TTC6: variants seen among roughly 807,000 people sequenced by gnomAD.
TTC6 encodes tetratricopeptide repeat protein 6.
In TTC6, 172 loss-of-function variants were observed where a neutral mutation model predicts 210.4. That is an observed-to-expected ratio of 0.82 (90% CI 0.72 to 0.93). The LOEUF (loss-of-function observed/expected upper bound fraction) is 0.93, where lower values mean the gene tolerates loss of function less well. Among genes scored for constraint, TTC6 ranks in the 40% least tolerant of loss-of-function variants. The pLI, the probability that TTC6 is intolerant of heterozygous loss-of-function variation, is 0.00. For synonymous variants in TTC6, 804 were observed against 819.6 expected (o/e 0.98, Z 0.32); for missense variants, 2,414 against 2,318.1 (o/e 1.04, Z -0.85).
Position 37,598,063 on chromosome 14 carries a change from GCTGCTGT to G in TTC6, c.-235+2059_-235+2065del, listed in dbSNP as rs1368325980. 6.6e-6 allele frequency among the ~76,000 whole-genome samples: 1 copy of G among 152,206 alleles called. No individual in the cohort carries two copies. Among genetic ancestry groups the G allele is most frequent in the Admixed American group, 6.5e-5 (1 of 15,278 alleles). ...TGCATACATACATACATAAAGTAATGCTGCTGTCTGGGAGTTGCTGGCCAGTCGGTAG... is the reference window on the plus strand; with the variant it reads ...TGCATACATACATACATAAAGTAATGCTGGGAGTTGCTGGCCAGTCGGTAG... On this transcript the variant is annotated intron_variant, in intron 1 of 2. Transcript: ENST00000556845. This position sits in a 1 kb window ranked among gnomAD's most constrained non-coding sequence, Gnocchi z 4.9.
At chr14:37,718,015 G>A (rs1194033529) in intron 6 of TTC6, among the ~76,000 whole-genome samples, 1 of 152,156 alleles carries the variant, frequency 6.6e-6, no homozygotes, top group Non-Finnish European at 1.5e-5. Context: ...TACATCAGAT[G>A]CTAGTGCCTC....
chr14:37,692,224 A>AAG (rs371622254), intron 3 of TTC6, among the ~76,000 whole-genome samples: 5,406 of 142,758 alleles, frequency 0.038, 205 homozygotes, highest in Non-Finnish European at 0.067. Context: ...AAAAAAAAAA[A>AAG]AAAAAAAAGA....
intron 1 of TTC6, among the ~76,000 whole-genome samples, chr14:37,648,832 T>G (rs1444844263): frequency 2.0e-5 from 3 of 152,202 alleles, no homozygotes; most frequent in Non-Finnish European, 4.4e-5. Flanking sequence ...TTCCCCACAT[T>G]TATTATCATG....
chr14:37,689,548 TAAAG>T (rs1276861928), intron 3 of TTC6, among the ~76,000 whole-genome samples: 5 of 151,652 alleles, frequency 3.3e-5, no homozygotes, highest in African/African-American at 1.2e-4. Flanking sequence ...AGGTCAAGGA[TAAAG>T]AAAGGATTTC....
chr14:37,682,668 A>G (rs1162634976), intron 2 of TTC6, 90 bp from the exon 5 acceptor site: 9 of 1,099,394 alleles, frequency 8.2e-6, no homozygotes, highest in East Asian at 7.7e-5. Flanking sequence ...TTTCATATTC[A>G]TCTTGTCAGA....
chr14:37,649,234 A>G (rs550866510), intron 1 of TTC6, among the ~76,000 whole-genome samples: 2 of 152,276 alleles, frequency 1.3e-5, no homozygotes, highest in African/African-American at 2.4e-5. Context: ...GTGAGATGAT[A>G]TAATGCTCCA....
rs141202746 is a variant in TTC6, at chr14:37,665,897, G to A, written c.940-14254G>A. The stretch of plus-strand genomic sequence containing the variant: ...AGTGACCTGAAAGCAGCTAAATCAA[G>A]CTTGTCCTCTCATGCACACACCAGA... On this transcript the variant is annotated intron_variant, in intron 1 of 30. Coordinates refer to ENST00000553443, the Ensembl canonical transcript of TTC6. 1.5e-3 allele frequency among the ~76,000 whole-genome samples: 225 copies of A among 150,462 alleles called. 3 individuals carry two copies. The highest frequency in any genetic ancestry group is 5.3e-3 in the African/African-American group (218 of 41,356).
At chr14:37,825,260 C>T (rs2096168092) in intron 27 of TTC6, among the ~76,000 whole-genome samples, 1 of 152,154 alleles carries the variant, frequency 6.6e-6, no homozygotes, top group African/African-American at 2.4e-5. Flanking sequence ...ATAATCTAAT[C>T]TCAATTTGCC....
exon 25 of TTC6, chr14:37,812,335 G>T (rs1198971837): frequency 1.9e-6 from 3 of 1,612,758 alleles, no homozygotes; most frequent in South Asian, 2.2e-5. Context: ...TTATGGAATT[G>T]TGCTGCTTCT....
chr14:37,822,858 C>G (rs2139491210), intron 26 of TTC6, among the ~76,000 whole-genome samples: 1 of 152,238 alleles, frequency 6.6e-6, no homozygotes, highest in South Asian at 2.1e-4. Flanking sequence ...TTTTCTGTGC[C>G]ATAATTTTCC....
intron 14 of TTC6, among the ~76,000 whole-genome samples, chr14:37,754,290 A>G (rs1012158007): frequency 6.6e-5 from 10 of 151,786 alleles, no homozygotes; most frequent in African/African-American, 2.2e-4. Flanking sequence ...CCCTGTGTCC[A>G]TGTGTTCTCA....
intron 1 of TTC6, among the ~76,000 whole-genome samples, chr14:37,656,514 CGTGTGT>C (rs35073797): frequency 0.023 from 3,443 of 147,788 alleles, 44 homozygotes; most frequent in African/African-American, 0.034. Context: ...TGTGTGTGTG[CGTGTGT>C]GTGTGTGTGT....
chr14:37,658,324 C>G (rs1290466401), intron 1 of TTC6, among the ~76,000 whole-genome samples: 1 of 152,196 alleles, frequency 6.6e-6, no homozygotes, highest in Non-Finnish European at 1.5e-5. Flanking sequence ...TTACATTACA[C>G]TGTGAAAGAA....
At chr14:37,762,834 G>A (rs1180773802) in intron 14 of TTC6, among the ~76,000 whole-genome samples, 3 of 150,900 alleles carry the variant, frequency 2.0e-5, no homozygotes, top group Non-Finnish European at 4.4e-5. Context: ...GATTAATCCC[G>A]CTTGATCGTA....
At chr14:37,672,761 C>T (rs177904) in intron 1 of TTC6, among the ~76,000 whole-genome samples, 1 of 149,754 alleles carries the variant, frequency 6.7e-6, no homozygotes, top group Non-Finnish European at 1.5e-5. Context: ...ACATTTTTTT[C>T]TGATTGCATT....
chr14:37,675,349 T>G (rs1015079983), intron 1 of TTC6, among the ~76,000 whole-genome samples: 5 of 152,148 alleles, frequency 3.3e-5, no homozygotes, highest in Non-Finnish European at 7.4e-5. Context: ...TCTAGCTTCT[T>G]TCAATTAGTG....
At chr14:37,759,002 G>T (rs192424649) in intron 14 of TTC6, among the ~76,000 whole-genome samples, 3 of 152,174 alleles carry the variant, frequency 2.0e-5, no homozygotes, top group Non-Finnish European at 4.4e-5. Flanking sequence ...GCTGGGTGTG[G>T]TGGCTCACGC....
chr14:37,835,249 A>C (rs1237928789), intron 29 of TTC6, among the ~76,000 whole-genome samples: 6 of 151,972 alleles, frequency 3.9e-5, no homozygotes, highest in Non-Finnish European at 8.8e-5. Context: ...GAAATGTTAC[A>C]ATTTTACTTT....
chr14:37,674,799 T>G (rs1342717294), intron 1 of TTC6, among the ~76,000 whole-genome samples: 1 of 152,180 alleles, frequency 6.6e-6, no homozygotes, highest in African/African-American at 2.4e-5. Context: ...TTGTGTTTCT[T>G]TGCTATTAAA....
Sources: gnomAD v4.1 joint callset for allele counts (sites outside exome capture counted in the v4.1 genomes callset) on GRCh38, gnomAD v4.1.1 for gene constraint, Gnocchi (gnomAD v3.1) non-coding constraint, MANE v1.5 for transcripts, NCBI Gene and HGNC (gene_info 2026-07-23, HGNC 2026-07-21) for gene names.